Variants in ADARB1 observed in about 807,000 individuals in gnomAD.
ADARB1 encodes the protein double-stranded RNA-specific editase 1.
A neutral mutation model predicts 52.4 loss-of-function variants in ADARB1; 10 were observed. That is an observed-to-expected ratio of 0.19 (90% CI 0.12 to 0.32). The LOEUF is 0.32. ADARB1 is among the 10% of genes least tolerant of loss of function. The pLI, the probability that ADARB1 is intolerant of heterozygous loss-of-function variation, is 1.00. For missense variants in ADARB1, 643 were observed against 922.3 expected (o/e 0.70, Z 3.92); for synonymous variants, 349 against 371.1 (o/e 0.94, Z 0.68).
At chr21:45,092,654 A>T (rs1416194357) in intron 1 of ADARB1, among the ~76,000 whole-genome samples, 3 of 152,212 alleles carry the variant, frequency 2.0e-5, no homozygotes, top group Non-Finnish European at 4.4e-5. Context: ...TCACTTGACT[A>T]GACTGATACT....
At chr21:45,140,021 G>A (rs2089634182) in intron 2 of ADARB1, among the ~76,000 whole-genome samples, 1 of 132,116 alleles carries the variant, frequency 7.6e-6, no homozygotes, top group African/African-American at 2.9e-5. Flanking sequence ...TCTACTCACT[G>A]CAACCTCTGC....
At chr21:45,206,876 C>T (rs536331243) in intron 9 of ADARB1, among the ~76,000 whole-genome samples, 46 of 152,236 alleles carry the variant, frequency 3.0e-4, no homozygotes, top group African/African-American at 9.9e-4. Context: ...GCCTGGCCTC[C>T]GTTATCTCTA....
chr21:45,209,421 G>A (rs1373276204), intron 9 of ADARB1, among the ~76,000 whole-genome samples: 2 of 152,218 alleles, frequency 1.3e-5, no homozygotes, highest in Non-Finnish European at 2.9e-5. Flanking sequence ...TGGGGTGACA[G>A]GGTGATTTCT....
At chr21:45,136,700 C>T (rs411630) in intron 2 of ADARB1, among the ~76,000 whole-genome samples, 94,039 of 152,024 alleles carry the variant, frequency 0.62, 29,291 homozygotes, top group Middle Eastern at 0.68. Flanking sequence ...GCAGGGGTGT[C>T]CCCGCACCCA....
intron 8 of ADARB1, among the ~76,000 whole-genome samples, chr21:45,198,703 G>T (rs888833886): frequency 2.0e-5 from 3 of 152,108 alleles, no homozygotes; most frequent in African/African-American, 7.2e-5. Flanking sequence ...GCAGCTCATT[G>T]TGTGGCTCAT....
intron 1 of ADARB1, among the ~76,000 whole-genome samples, chr21:45,113,443 CTATATATATATATGTGTGTGTGTG>C (rs1360702769): frequency 1.1e-4 from 17 of 148,288 alleles, no homozygotes; most frequent in African/African-American, 3.7e-4. Context: ...CAAAACAAAA[CTATATATATATATGTGTGTGTGTG>C]TATATATATA....
At position 45,176,148 on chromosome 21, in the gene ADARB1, T is replaced by G; in HGVS notation, c.447T>G (p.Ser149=). 6.2e-7 allele frequency: 1 copy of G among 1,614,222 alleles called. No homozygotes were observed. The highest frequency in any genetic ancestry group is 8.5e-7 in the Non-Finnish European group (1 of 1,180,040). Residue 149 remains serine (S), a synonymous_variant, in exon 4 of 11, where the codon TCT becomes TCG. Transcript: ENST00000348831. This position sits in a 1 kb window ranked among gnomAD's most constrained non-coding sequence, Gnocchi z 5.8. ...CTTTCGTTCAGTTTCCTAATGCCTC[T>G]GAGGCCCACCTGGCCATGGGGAGGA... ...LRSFVQFPNA[S]EAHLAMGRTL... is the part of the protein sequence containing the mutation.
chr21:45,165,265 C>A (rs1039272813), intron 2 of ADARB1, among the ~76,000 whole-genome samples: 3 of 152,128 alleles, frequency 2.0e-5, no homozygotes, highest in African/African-American at 7.2e-5. Context: ...TAACTGACAC[C>A]TCTGCATGTT....
At chr21:45,116,380 T>G (rs577592874) in intron 1 of ADARB1, among the ~76,000 whole-genome samples, 76 of 152,364 alleles carry the variant, frequency 5.0e-4, no homozygotes, top group African/African-American at 1.8e-3. Context: ...TCTGAAAGAT[T>G]TAATTTTTTA....
intron 8 of ADARB1, among the ~76,000 whole-genome samples, chr21:45,198,429 T>C (rs2092472356): frequency 6.6e-6 from 1 of 151,918 alleles, no homozygotes; most frequent in Non-Finnish European, 1.5e-5. Context: ...TCTAGAAAAG[T>C]GTACATTGCT....
chr21:45,137,957 G>C (rs1421897557), intron 2 of ADARB1, among the ~76,000 whole-genome samples: 1 of 152,222 alleles, frequency 6.6e-6, no homozygotes, highest in Non-Finnish European at 1.5e-5. Context: ...GAAAAGGGCA[G>C]ACCTGTGCTT....
Position 45,124,781 on chromosome 21 carries a change from GTGTGTA to G in ADARB1, c.-219-3615_-219-3610del, listed in dbSNP as rs1159101273. Reference sequence around the variant, plus strand: ...CTTTTTAAATGGTGTGTGTGTGTGTGTGTGTATGTGTGTGTGTGTGTGTGTGTGTGT... The same window carrying G: ...CTTTTTAAATGGTGTGTGTGTGTGTGTGTGTGTGTGTGTGTGTGTGTGTGT... On this transcript the variant is annotated intron_variant, in intron 1 of 10. Transcript: ENST00000348831. Among the ~76,000 whole-genome samples, 1,140 of 122,508 alleles carry G rather than the reference GTGTGTA, an allele frequency of 9.3e-3. 8 individuals are homozygous for G. The highest frequency in any genetic ancestry group is 0.016 in the African/African-American group (513 of 32,402). The allele number at this position is 122,508 out of a possible 152,430, so 80.4% of individuals were successfully genotyped here. A position where few individuals can be genotyped will look rare whatever the true frequency, so the allele number is the denominator to read the frequency against.
At chr21:45,115,546 A>T (rs931916140) in intron 1 of ADARB1, among the ~76,000 whole-genome samples, 1 of 152,196 alleles carries the variant, frequency 6.6e-6, no homozygotes, top group African/African-American at 2.4e-5. Context: ...CAGATCACTG[A>T]TTTCTTATAG....
Position 45,222,882 on chromosome 21 carries a change from C to T in ADARB1, c.*685C>T. 2.0e-6 allele frequency: 2 copies of T among 985,478 alleles called. No individual in the cohort carries two copies. The highest frequency in any genetic ancestry group is 2.4e-6 in the Non-Finnish European group (2 of 829,966). 61.0% of individuals were successfully genotyped at this position (985,478 alleles called of 1,614,324 possible). A position where few individuals can be genotyped will look rare whatever the true frequency, so the allele number is the denominator to read the frequency against. On this transcript the variant is annotated 3_prime_UTR_variant, in exon 11 of 11. Transcript: ENST00000348831. ...GGGTCCCGCAGCAGTGACTGTGTGT[C>T]CTGCAGAGGCGTGACCCAGGCCCCT...
At position 45,205,002 on chromosome 21, in the gene ADARB1, C is replaced by A. The variant is rs2092638420; in HGVS notation, c.1747+266C>A. ...GAAGAATTGATGGGTTCACACCTGT[C>A]ATCCCAACACTTTGGGAGGCCAAGG... On this transcript the variant is annotated intron_variant, in intron 9 of 10. Transcript: ENST00000348831. 3.3e-5 allele frequency among the ~76,000 whole-genome samples: 5 copies of A among 152,124 alleles called. 1 individual carries two copies. The highest frequency in any genetic ancestry group is 1.3e-4 in the Admixed American group (2 of 15,270).
chr21:45,150,752 T>C (rs1255879978), intron 2 of ADARB1, among the ~76,000 whole-genome samples: 1 of 152,170 alleles, frequency 6.6e-6, no homozygotes, highest in East Asian at 1.9e-4. Flanking sequence ...GATGTCTCGT[T>C]GTTCCACCTG....
chr21:45,132,006 G>A (rs1023004085), intron 2 of ADARB1, among the ~76,000 whole-genome samples: 3 of 152,242 alleles, frequency 2.0e-5, no homozygotes, highest in African/African-American at 7.2e-5. Context: ...ATTATTGTAA[G>A]GATGCTAATT....
intron 2 of ADARB1, among the ~76,000 whole-genome samples, chr21:45,148,667 G>A (rs1320408257): frequency 6.6e-6 from 1 of 152,202 alleles, no homozygotes; most frequent in Non-Finnish European, 1.5e-5. Context: ...TCAAGAAGTA[G>A]AGCAGAGCTG....
chr21:45,224,283 A>C lies in ADARB1; in HGVS notation c.*2086A>C. The C allele has an allele frequency of 1.0e-6, 1 of 985,512 alleles. No individual in the cohort carries two copies. The highest frequency in any genetic ancestry group is 1.2e-6 in the Non-Finnish European group (1 of 829,976). 61.0% of individuals were successfully genotyped at this position (985,512 alleles called of 1,614,324 possible). A position where few individuals can be genotyped will look rare whatever the true frequency, so the allele number is the denominator to read the frequency against. On this transcript the variant is annotated 3_prime_UTR_variant, in exon 11 of 11. Coordinates refer to ENST00000348831, the MANE Select transcript of ADARB1 (RefSeq NM_001112.4). ...GTCTGGCTTTTCCCTTCTGTCAGGT[A>C]ATAGCTAAAGTCAGCATGATTGCTC...
Sources: gnomAD v4.1 joint callset for allele counts (sites outside exome capture counted in the v4.1 genomes callset) on GRCh38, gnomAD v4.1.1 for gene constraint, Gnocchi (gnomAD v3.1) non-coding constraint, MANE v1.5 for transcripts, NCBI Gene and HGNC (gene_info 2026-07-23, HGNC 2026-07-21) for gene names.